RPS2: variants seen among roughly 807,000 people sequenced by gnomAD.
The protein encoded by RPS2 is small ribosomal subunit protein uS5.
A neutral mutation model predicts 25.3 loss-of-function variants in RPS2; 8 were observed. The observed-to-expected ratio is 0.32, with a 90% CI of 0.19 to 0.57. The LOEUF is 0.57. RPS2 is among the 20% of genes least tolerant of loss of function. The pLI, the probability that RPS2 is intolerant of heterozygous loss-of-function variation, is 0.90. For synonymous variants in RPS2, 181 were observed against 161.3 expected (o/e 1.12, Z -0.92); for missense variants, 229 against 408.1 (o/e 0.56, Z 3.78).
intron 3 of RPS2, chr16:1,963,637 T>C: frequency 3.0e-6 from 1 of 336,360 alleles, no homozygotes; most frequent in Non-Finnish European, 5.9e-6. Context: ...ACCGAAGAAG[T>C]CATGAACCCC....
Position 1,962,132 on chromosome 16 carries a change from T to C in RPS2, c.848A>G (p.Gln283Arg). ...AGCCACAGCTGGAGCCTGAGTCCGC[T>C]GCACGGAGACTCTGGTGTGGGTCTT... ...LVKTHTRVSV[Q>R]RTQAPAVATT is the part of the protein sequence containing the mutation. Residue 283 changes from glutamine to arginine, a missense_variant, in exon 7 of 7, where the codon CAG becomes CGG. Coordinates refer to ENST00000343262, the MANE Select transcript of RPS2 (RefSeq NM_002952.4). The C allele has an allele frequency of 6.3e-7, 1 of 1,577,510 alleles. No individual in the cohort carries two copies. Among genetic ancestry groups the C allele is most frequent in the Non-Finnish European group, 8.5e-7 (1 of 1,170,466 alleles).
Position 1,962,200 on chromosome 16 carries a change from T to C in RPS2, c.780A>G (p.Val260=). Residue 260 remains valine (V), a synonymous_variant, in exon 7 of 7, where the codon GTA becomes GTG. Transcript: ENST00000343262. ...YLTPDLWKET[V]FTKSPYQEFT... ...ACTCCTGATAGGGAGACTTGGTGAATACAGTCTCCTTCCAGAGGTCGGGGG... is the reference window on the plus strand; with the variant it reads ...ACTCCTGATAGGGAGACTTGGTGAACACAGTCTCCTTCCAGAGGTCGGGGG... 1 of 1,602,020 alleles carries C rather than the reference T, an allele frequency of 6.2e-7. No homozygotes were observed. Among genetic ancestry groups the C allele is most frequent in the Non-Finnish European group, 8.5e-7 (1 of 1,174,548 alleles).
Position 1,963,078 on chromosome 16 carries a change from C to G in RPS2, c.375+71G>C, listed in dbSNP as rs769847644. On this transcript the variant is annotated intron_variant, in intron 4 of 6. Transcript: ENST00000343262. ...GTTACGAAAGTCACACGGGTGAAGCCAAGTGCAACTATGCAGAGCCGAGAG... is the reference window on the plus strand; with the variant it reads ...GTTACGAAAGTCACACGGGTGAAGCGAAGTGCAACTATGCAGAGCCGAGAG... The G allele has an allele frequency of 7.8e-6, 11 of 1,404,204 alleles. No homozygotes were observed. The Admixed American group carries it at 1.7e-4, about 21-fold the overall frequency. The allele number at this position is 1,404,204 out of a possible 1,614,324, so 87.0% of individuals were successfully genotyped here. A position where few individuals can be genotyped will look rare whatever the true frequency, so the allele number is the denominator to read the frequency against.
chr16:1,962,202 C>T lies in RPS2; in HGVS notation c.778G>A (p.Val260Ile), dbSNP rs751433066. The T allele has an allele frequency of 1.9e-6, 3 of 1,601,616 alleles. No homozygotes were observed. The highest frequency in any genetic ancestry group is 2.6e-6 in the Non-Finnish European group (3 of 1,174,030). The part of the protein sequence containing the change: ...YLTPDLWKET[V>I]FTKSPYQEFT... ...TCCTGATAGGGAGACTTGGTGAATA[C>T]AGTCTCCTTCCAGAGGTCGGGGGTC... is the stretch of plus-strand genomic sequence containing the variant. Residue 260 changes from valine to isoleucine, a missense_variant, in exon 7 of 7, where the codon GTA becomes ATA. Physicochemically the swap from Val to Ile is conservative, Grantham distance 29 (BLOSUM62 3). Transcript: ENST00000343262.
intron 3 of RPS2, 100 bp downstream of exon 3, chr16:1,964,176 G>A: frequency 1.1e-6 from 1 of 871,798 alleles, no homozygotes; most frequent in Admixed American, 1.9e-5. Context: ...CGAGACGCTG[G>A]GCCCTTTAAT....
At position 1,962,551 on chromosome 16, in the gene RPS2, T is replaced by C. The variant is rs1412555185; in HGVS notation, c.655A>G (p.Ile219Val). The C allele has an allele frequency of 6.2e-7, 1 of 1,611,724 alleles. No individual in the cohort carries two copies. Among genetic ancestry groups the C allele is most frequent in the Non-Finnish European group, 8.5e-7 (1 of 1,179,766 alleles). Residue 219 changes from isoleucine to valine, a missense_variant, in exon 6 of 7, where the codon ATC becomes GTC. Ile to Val is a conservative substitution (Grantham distance 29). This residue lies in a region of RPS2 where 79 missense variants were observed against 159.0 expected (regional missense o/e 0.50). Coordinates refer to ENST00000343262, the MANE Select transcript of RPS2 (RefSeq NM_002952.4). ...VPKKLLMMAG[I>V]DDCYTSARGC... The stretch of plus-strand genomic sequence containing the variant: ...CGGGCTGAGGTGTAGCAGTCATCGA[T>C]ACCAGCCATCATGAGCAGCTTCTTA...
intron 6 of RPS2, 76 bp downstream of exon 6, chr16:1,962,421 G>T (rs201599317): frequency 6.2e-6 from 9 of 1,458,010 alleles, no homozygotes; most frequent in Non-Finnish European, 8.7e-6. Flanking sequence ...CTGAAAACAC[G>T]CCAAGCACAC....
chr16:1,962,344 C>T (rs370394122), intron 6 of RPS2, 74 bp from the exon 7 acceptor site: 29 of 1,446,930 alleles, frequency 2.0e-5, no homozygotes, highest in Admixed American at 8.4e-5. Context: ...AATTGTCGCA[C>T]TCCTAGGAAC....
chr16:1,963,790 T>C (rs541781659), intron 3 of RPS2: 28 of 457,790 alleles, frequency 6.1e-5, no homozygotes, highest in African/African-American at 5.0e-4. Context: ...TCCACTCAGA[T>C]TTCCTTTTGC....
At chr16:1,964,650 A>C in intron 1 of RPS2, 22 bp from the exon 2 acceptor site, 1 of 1,285,088 alleles carries the variant, frequency 7.8e-7, no homozygotes, top group Non-Finnish European at 1.1e-6. Context: ...GACAAGAAGG[A>C]ACTAGTCAGT....
chr16:1,962,684 G>A (rs765631093), intron 5 of RPS2, 28 bp from the exon 6 acceptor site: 1 of 1,585,714 alleles, frequency 6.3e-7, no homozygotes, highest in African/African-American at 1.3e-5. Context: ...CAGGAGACGG[G>A]GGCCCGAGGG....
Position 1,964,357 on chromosome 16 carries a change from G to A in RPS2, c.186C>T (p.Pro62=), listed in dbSNP as rs147442661. 7 of 1,613,218 alleles carry A rather than the reference G, an allele frequency of 4.3e-6. No homozygotes were observed. Among genetic ancestry groups the A allele is most frequent in the African/African-American group, 2.7e-5 (2 of 74,946 alleles). Residue 62 remains proline (P), a synonymous_variant, in exon 3 of 7, where the codon CCC becomes CCT. Transcript: ENST00000343262. The part of the protein sequence containing the change: ...GGKAEDKEWM[P]VTKLGRLVKD... ...TGACCAAGCGGCCCAACTTGGTGAC[G>A]GGCATCCACTAAAGGGAGAAAAGGC...
chr16:1,963,066 C>T, intron 4 of RPS2, 83 bp downstream of exon 4: 1 of 1,390,410 alleles, frequency 7.2e-7, no homozygotes, highest in Non-Finnish European at 1.0e-6. Flanking sequence ...ACGAAAGTCA[C>T]ACGGGTGAAG....
chr16:1,963,007 G>A (rs1736973742), intron 4 of RPS2, 98 bp from the exon 5 acceptor site: 4 of 1,441,074 alleles, frequency 2.8e-6, no homozygotes, highest in South Asian at 1.1e-5. Context: ...AGAGGCCACA[G>A]TAAGGCCCAT....
chr16:1,963,426 G>GC (rs147441145), intron 3 of RPS2, among the ~76,000 whole-genome samples, 170 bp from the exon 4 acceptor site: 21,139 of 152,090 alleles, frequency 0.14, 1,681 homozygotes, highest in South Asian at 0.29. Flanking sequence ...TACCAGCCTG[G>GC]CCACATGGTG....
At position 1,963,338 on chromosome 16, in the gene RPS2, C is replaced by A. The variant is rs191381659; in HGVS notation, c.268-82G>T. 5.4e-4 allele frequency: 501 copies of A among 927,272 alleles called. 2 individuals carry two copies. The highest frequency in any genetic ancestry group is 1.3e-4 in the Admixed American group (5 of 38,678). The allele number at this position is 927,272 out of a possible 1,614,324, so 57.4% of individuals were successfully genotyped here. ...TGATATTCAAGAACCAAAGTCACGG[C>A]CGGGGGCGGTGGCTCAAGCCTGTAA... On this transcript the variant is annotated intron_variant, in intron 3 of 6. Transcript: ENST00000343262.
At position 1,962,570 on chromosome 16, in the gene RPS2, C is replaced by T. The variant is rs773867618; in HGVS notation, c.636G>A (p.Lys212=). 6.2e-7 allele frequency: 1 copy of T among 1,611,500 alleles called. No homozygotes were observed. Among genetic ancestry groups the T allele is most frequent in the East Asian group, 2.2e-5 (1 of 44,882 alleles). Residue 212 remains lysine (K), a synonymous_variant, in exon 6 of 7, where the codon AAG becomes AAA. Coordinates refer to ENST00000343262, the MANE Select transcript of RPS2 (RefSeq NM_002952.4). The part of the protein sequence containing the change: ...TGIVSAPVPK[K]LLMMAGIDDC... ...CATCGATACCAGCCATCATGAGCAGCTTCTTAGGCACAGGTGCGGAGACGA... is the reference window on the plus strand; with the variant it reads ...CATCGATACCAGCCATCATGAGCAGTTTCTTAGGCACAGGTGCGGAGACGA...
Position 1,962,522 on chromosome 16 carries a change from G to C in RPS2, c.684C>G (p.Gly228=), listed in dbSNP as rs16951436. 1 of 1,611,974 alleles carries C rather than the reference G, an allele frequency of 6.2e-7. No homozygotes were observed. The highest frequency in any genetic ancestry group is 1.1e-5 in the South Asian group (1 of 91,020). ...CGAAGTTGCCCAGGGTGGCAGTGCA[G>C]CCCCGGGCTGAGGTGTAGCAGTCAT... The part of the protein sequence containing the change: ...GIDDCYTSAR[G]CTATLGNFAK... The change falls in exon 6 of 7, where the codon GGC becomes GGG. Residue 228 remains glycine (G), a synonymous_variant. Coordinates refer to ENST00000343262, the MANE Select transcript of RPS2 (RefSeq NM_002952.4).
chr16:1,963,431 A>G lies in RPS2; in HGVS notation c.268-175T>C, dbSNP rs11647729. 1.0e-2 allele frequency among the ~76,000 whole-genome samples: 1,515 copies of G among 152,036 alleles called. 12 individuals are homozygous for G. Among genetic ancestry groups the G allele is most frequent in the Non-Finnish European group, 0.015 (1,028 of 67,936 alleles). ...AGGAGTCCGATACCAGCCTGGCCAC[A>G]TGGTGAAACCCCACCTCTATTAAAG... is the stretch of plus-strand genomic sequence containing the variant. On this transcript the variant is annotated intron_variant, in intron 3 of 6. Coordinates refer to ENST00000343262, the MANE Select transcript of RPS2 (RefSeq NM_002952.4).
Sources: allele counts gnomAD v4.1 joint callset (sites outside exome capture counted in the v4.1 genomes callset), GRCh38; gene constraint gnomAD v4.1.1; regional missense constraint gnomAD v4.1.1; transcripts MANE v1.5; gene names NCBI Gene and HGNC (gene_info 2026-07-23, HGNC 2026-07-21).